ATG10: variants seen among roughly 807,000 people sequenced by gnomAD.
The protein encoded by ATG10 is autophagy related 10.
ATG10 carries 30 observed loss-of-function variants against 32.1 expected under a neutral mutation model. That is an observed-to-expected ratio of 0.94 (90% CI 0.70 to 1.27). The LOEUF (loss-of-function observed/expected upper bound fraction) is 1.27. Ranked by LOEUF, ATG10 falls within the 50% of genes most tolerant of loss-of-function variation. ATG10 has a pLI of 0.00. For synonymous variants in ATG10, 87 were observed against 91.5 expected, an observed-to-expected ratio of 0.95 and a Z score of 0.28; for missense variants, 233 against 262.3, an observed-to-expected ratio of 0.89 and a Z score of 0.77.
chr5:82,254,920 G>GTA lies in ATG10; in HGVS notation c.*859_*860dup, dbSNP rs1491024521. ...TGTGAGTGTGTGTGTGTGTGTGTGTGTATGTGTGGGTGTTTGTGTAGATAG... is the reference window on the plus strand; with the variant it reads ...TGTGAGTGTGTGTGTGTGTGTGTGTGTATATGTGTGGGTGTTTGTGTAGATAG... On this transcript the variant is annotated 3_prime_UTR_variant, in exon 8 of 8. Coordinates refer to ENST00000282185, the MANE Select transcript of ATG10 (RefSeq NM_031482.5). 2 of 147,938 alleles carry GTA rather than the reference G, an allele frequency of 1.4e-5. No homozygotes were observed. The highest frequency in any genetic ancestry group is 3.0e-5 in the Non-Finnish European group (2 of 67,114). The allele number at this position is 147,938 out of a possible 1,614,324, so 9.2% of individuals were successfully genotyped here. A position where few individuals can be genotyped will look rare whatever the true frequency, so the allele number is the denominator to read the frequency against.
At chr5:81,980,269 A>T (rs1430601883) in intron 1 of ATG10, among the ~76,000 whole-genome samples, 2 of 152,068 alleles carry the variant, frequency 1.3e-5, no homozygotes, top group African/African-American at 4.8e-5. Context: ...TGATTTCCAT[A>T]TTCCTAGTGT....
intron 3 of ATG10, among the ~76,000 whole-genome samples, chr5:82,098,938 A>G (rs533786265): frequency 2.0e-5 from 3 of 152,338 alleles, no homozygotes; most frequent in Admixed American, 6.5e-5. Flanking sequence ...GATCAATAAA[A>G]TGGCATTACA....
Position 82,235,900 on chromosome 5 carries a change from T to C in ATG10, c.454-16662T>C, listed in dbSNP as rs1581835834. The stretch of plus-strand genomic sequence containing the variant: ...CATTCTGAGCCTCAGATTTTCTCAT[T>C]TTCTCTGGATGAGAGCTTTGATTAG... On this transcript the variant is annotated intron_variant, in intron 5 of 7. Transcript: ENST00000282185. Among the ~76,000 whole-genome samples the C allele has an allele frequency of 5.3e-5, 8 of 152,356 alleles. No individual in the cohort carries two copies. In the South Asian group the frequency reaches 1.7e-3, roughly 32 times the overall value.
At chr5:82,162,310 C>A (rs1452992262) in intron 3 of ATG10, among the ~76,000 whole-genome samples, 1 of 151,834 alleles carries the variant, frequency 6.6e-6, no homozygotes, top group Non-Finnish European at 1.5e-5. Flanking sequence ...TAGTAAGTAA[C>A]CAAGAAACTA....
chr5:82,006,038 A>G (rs1468317581), intron 2 of ATG10, among the ~76,000 whole-genome samples: 1 of 152,144 alleles, frequency 6.6e-6, no homozygotes, highest in Non-Finnish European at 1.5e-5. Context: ...TTGCTAATTT[A>G]TATATAGTAA....
At chr5:82,158,494 T>C (rs987297490) in intron 3 of ATG10, among the ~76,000 whole-genome samples, 2 of 152,092 alleles carry the variant, frequency 1.3e-5, no homozygotes, top group African/African-American at 4.8e-5. Flanking sequence ...CAATATAGTA[T>C]AGCTGTTTAC....
chr5:82,192,761 A>G (rs1744711734), intron 5 of ATG10, among the ~76,000 whole-genome samples: 1 of 152,216 alleles, frequency 6.6e-6, no homozygotes, highest in African/African-American at 2.4e-5. Context: ...CACAATTTCT[A>G]TTCTATATAA....
chr5:82,105,370 CTTG>C (rs923607469), intron 3 of ATG10, among the ~76,000 whole-genome samples: 17 of 151,924 alleles, frequency 1.1e-4, no homozygotes, highest in Non-Finnish European at 4.4e-5. Context: ...GCTCTGAAAC[CTTG>C]TTGTATCATT....
intron 3 of ATG10, among the ~76,000 whole-genome samples, chr5:82,059,763 A>G (rs28415855): frequency 0.015 from 2,234 of 152,204 alleles, 41 homozygotes; most frequent in African/African-American, 0.05. Flanking sequence ...CTGGCCTGCA[A>G]GTAACTTTCA....
At chr5:82,166,813 C>G (rs1397162115) in intron 4 of ATG10, among the ~76,000 whole-genome samples, 1 of 151,988 alleles carries the variant, frequency 6.6e-6, no homozygotes, top group East Asian at 1.9e-4. Context: ...AATTTCTTGC[C>G]CAGGGGTCTT....
At chr5:82,102,955 C>T (rs1028679209) in intron 3 of ATG10, among the ~76,000 whole-genome samples, 2 of 152,090 alleles carry the variant, frequency 1.3e-5, no homozygotes, top group African/African-American at 2.4e-5. Flanking sequence ...CTGTGTTGAA[C>T]TGAATTGAGT....
chr5:82,190,547 C>T (rs1054596644), intron 5 of ATG10, among the ~76,000 whole-genome samples: 13 of 151,610 alleles, frequency 8.6e-5, no homozygotes, highest in South Asian at 2.1e-4. Context: ...CCGAGGTGGG[C>T]GGATCACGAG....
chr5:81,973,280 C>T (rs933695587), intron 1 of ATG10: 4 of 152,214 alleles, frequency 2.6e-5, no homozygotes, highest in African/African-American at 9.7e-5. Context: ...CAGGTGCCCG[C>T]CACCACGCTC....
intron 5 of ATG10, among the ~76,000 whole-genome samples, chr5:82,214,077 T>C (rs1403270597): frequency 6.6e-6 from 1 of 152,230 alleles, no homozygotes; most frequent in Non-Finnish European, 1.5e-5. Flanking sequence ...CTCATTGGCC[T>C]AACTGTGCTG....
At chr5:82,188,498 C>T (rs984324615) in intron 5 of ATG10, among the ~76,000 whole-genome samples, 7 of 152,128 alleles carry the variant, frequency 4.6e-5, no homozygotes, top group South Asian at 4.1e-4. Context: ...CATCTTAGCA[C>T]GTTTCATTTT....
chr5:82,042,021 AAG>A (rs1763099233), intron 2 of ATG10, among the ~76,000 whole-genome samples: 1 of 152,066 alleles, frequency 6.6e-6, no homozygotes, highest in Non-Finnish European at 1.5e-5. Flanking sequence ...TGGAACATGT[AAG>A]AGTATATTTA....
chr5:81,993,365 T>TTCTTTCC (rs1341804720), intron 2 of ATG10, among the ~76,000 whole-genome samples: 658 of 32,538 alleles, frequency 0.02, 6 homozygotes, highest in Non-Finnish European at 0.024. Flanking sequence ...CTTTCCTTCT[T>TTCTTTCC]TTCTTTTCTT....
rs754971963 is a variant in ATG10 at position 82,058,593 on chromosome 5, T to C, written c.207T>C (p.Leu69=). 1.2e-6 allele frequency: 2 copies of C among 1,603,704 alleles called. No homozygotes were observed. Among genetic ancestry groups the C allele is most frequent in the South Asian group, 2.2e-5 (2 of 90,694 alleles). The part of the protein sequence containing the change: ...LGASTHGQTC[L]PMEEAFELPL... ...CATCTACCCATGGACAGACATGTCT[T>C]CCCATGGAGGTGAGTAGTTTAATGC... The change falls in exon 3 of 8, where the codon CTT becomes CTC. Residue 69 remains leucine, a synonymous_variant. Coordinates refer to ENST00000282185, the MANE Select transcript of ATG10 (RefSeq NM_031482.5).
At chr5:82,008,136 G>C (rs1012660457) in intron 2 of ATG10, among the ~76,000 whole-genome samples, 3 of 152,078 alleles carry the variant, frequency 2.0e-5, no homozygotes, top group Non-Finnish European at 2.9e-5. Flanking sequence ...CCTTTTTAGG[G>C]GGGTCATGAG....
Sources: allele counts gnomAD v4.1 joint callset (sites outside exome capture counted in the v4.1 genomes callset), GRCh38; gene constraint gnomAD v4.1.1; transcripts MANE v1.5; gene names NCBI Gene and HGNC (gene_info 2026-07-23, HGNC 2026-07-21).